The following SUSD3 variants were observed in gnomAD, a reference collection of about 807,000 sequenced individuals.
SUSD3 encodes sushi domain-containing protein 3.
In SUSD3, 18 loss-of-function variants were observed where a neutral mutation model predicts 20.6. The ratio of observed to expected loss-of-function variants is 0.87; its 90% CI spans 0.60 to 1.30. The LOEUF is 1.30. Among genes scored for constraint, SUSD3 ranks in the 50% most tolerant of loss-of-function variants. SUSD3 has a pLI of 0.00. For synonymous variants in SUSD3, 137 were observed against 141.5 expected, an observed-to-expected ratio of 0.97 and a Z score of 0.23; for missense variants, 306 against 346.9, an observed-to-expected ratio of 0.88 and a Z score of 0.94.
chr9:93,083,300 T>C (rs1013710239), intron 4 of SUSD3, among the ~76,000 whole-genome samples: 3 of 152,094 alleles, frequency 2.0e-5, no homozygotes, highest in Non-Finnish European at 4.4e-5. Flanking sequence ...AGGCGGGTCC[T>C]GCCCAGGGCT....
chr9:93,064,759 C>G (rs1375839271), intron 1 of SUSD3, among the ~76,000 whole-genome samples: 1 of 152,156 alleles, frequency 6.6e-6, no homozygotes, highest in Non-Finnish European at 1.5e-5. Flanking sequence ...CTGGGATGAT[C>G]ATCATTTCAT....
chr9:93,073,996 C>T (rs376388378), intron 1 of SUSD3, among the ~76,000 whole-genome samples: 1 of 152,194 alleles, frequency 6.6e-6, no homozygotes, highest in Non-Finnish European at 1.5e-5. Flanking sequence ...ATGGTTCTCC[C>T]TGGGTAGGCT....
intron 1 of SUSD3, among the ~76,000 whole-genome samples, chr9:93,065,504 GC>G (rs1825673002): frequency 6.6e-6 from 1 of 152,194 alleles, no homozygotes. Context: ...CTCTGCAAGG[GC>G]CGCAGTGGGC....
intron 1 of SUSD3, among the ~76,000 whole-genome samples, chr9:93,063,501 A>G (rs1188121211): frequency 1.3e-5 from 2 of 152,154 alleles, no homozygotes; most frequent in African/African-American, 4.8e-5. Context: ...CCCTCCAGGA[A>G]GCCTGCCCAC....
At chr9:93,073,613 C>G (rs1826001396) in intron 1 of SUSD3, among the ~76,000 whole-genome samples, 1 of 152,080 alleles carries the variant, frequency 6.6e-6, no homozygotes, top group African/African-American at 2.4e-5. Context: ...CAGGAAATAC[C>G]AGATAAGCAG....
In SUSD3 at chr9:93,084,610, G is replaced by A. The variant is rs759518024; in HGVS notation, c.631G>A (p.Ala211Thr). Residue 211 changes from alanine to threonine, a missense_variant, in exon 5 of 5, where the codon GCT (alanine) becomes ACT (threonine). Physicochemically the swap from Ala to Thr is moderately conservative, Grantham distance 58. Coordinates refer to ENST00000375472, the MANE Select transcript of SUSD3 (RefSeq NM_145006.4). Reference sequence around the variant, plus strand: ...GGACAAGGACCCTGGGATCCCCAGAGCTCTAAGCCTCAGTGGCTCCTCCAG... The same window carrying A: ...GGACAAGGACCCTGGGATCCCCAGAACTCTAAGCCTCAGTGGCTCCTCCAG... ...SVDKDPGIPR[A>T]LSLSGSSSSP... The A allele has an allele frequency of 3.7e-6, 6 of 1,610,354 alleles. No individual in the cohort carries two copies. Among genetic ancestry groups the A allele is most frequent in the South Asian group, 1.1e-5 (1 of 90,154 alleles).
At chr9:93,076,320 C>A (rs1826166121) in intron 2 of SUSD3, among the ~76,000 whole-genome samples, 1 of 152,122 alleles carries the variant, frequency 6.6e-6, no homozygotes, top group South Asian at 2.1e-4. Flanking sequence ...TTCATTCATT[C>A]ATTCATTCAT....
At chr9:93,060,082 C>T (rs1218787147) in intron 1 of SUSD3, among the ~76,000 whole-genome samples, 2 of 152,186 alleles carry the variant, frequency 1.3e-5, no homozygotes, top group African/African-American at 2.4e-5. Context: ...CCAAGGTCAG[C>T]CCAAGGCCAG....
chr9:93,060,277 C>T (rs1825453683), intron 1 of SUSD3, among the ~76,000 whole-genome samples: 1 of 152,056 alleles, frequency 6.6e-6, no homozygotes, highest in African/African-American at 2.4e-5. Flanking sequence ...GGGTTAGGAT[C>T]CCCCCTGTGA....
intron 1 of SUSD3, among the ~76,000 whole-genome samples, chr9:93,064,386 T>C (rs1262104465): frequency 6.6e-6 from 1 of 152,198 alleles, no homozygotes; most frequent in East Asian, 1.9e-4. Flanking sequence ...GGCTCAATGA[T>C]GCAGGCAGGA....
rs753351184 is a variant in SUSD3 at position 93,084,556 on chromosome 9, A to T, written c.577A>T (p.Ser193Cys). The T allele has an allele frequency of 1.3e-5, 21 of 1,596,952 alleles. No individual in the cohort carries two copies. Among genetic ancestry groups the T allele is most frequent in the Non-Finnish European group, 1.7e-5 (20 of 1,171,680 alleles). The change falls in exon 5 of 5, where the codon AGC becomes TGC. Residue 193 changes from serine (S) to cysteine (C), a missense_variant. Transcript: ENST00000375472. ...CCACAGAGACCATGGTGAGAGCACC[A>T]GCAAGCTGGCCAGTGTGACCCGCAG... Reference protein sequence around the residue: ...SFTTDHGESTSKLASVTRSVD... With the variant: ...SFTTDHGESTCKLASVTRSVD...
intron 1 of SUSD3, among the ~76,000 whole-genome samples, chr9:93,060,659 C>T (rs969572070): frequency 8.6e-5 from 13 of 151,592 alleles, no homozygotes; most frequent in Non-Finnish European, 4.4e-5. Flanking sequence ...AGCAAGACCC[C>T]GTATCTACAA....
intron 1 of SUSD3, among the ~76,000 whole-genome samples, chr9:93,062,105 G>A (rs1161801672): frequency 6.6e-6 from 1 of 152,194 alleles, no homozygotes; most frequent in Non-Finnish European, 1.5e-5. Context: ...GAATCCACCC[G>A]GTCAGGCTTG....
At chr9:93,079,922 A>C (rs1191924386) in intron 4 of SUSD3, among the ~76,000 whole-genome samples, 2 of 152,152 alleles carry the variant, frequency 1.3e-5, no homozygotes, top group Admixed American at 6.5e-5. Context: ...AGCTGCAGTC[A>C]CTTGCTCTCC....
intron 1 of SUSD3, among the ~76,000 whole-genome samples, chr9:93,060,628 C>G (rs991761016): frequency 1.1e-4 from 17 of 151,670 alleles, no homozygotes; most frequent in African/African-American, 3.9e-4. Flanking sequence ...TCCAGGAGCT[C>G]GAAACCAACC....
At position 93,062,048 on chromosome 9, in the gene SUSD3, C is replaced by G. The variant is rs550599782; in HGVS notation, c.88+3218C>G. Among the ~76,000 whole-genome samples, 5 of 152,370 alleles carry G rather than the reference C, an allele frequency of 3.3e-5. No homozygotes were observed. The East Asian group carries it at 9.6e-4, about 29-fold the overall frequency. ...GTTCCAGATAAAAGATTAACAAGTA[C>G]GGATTGTTCTCAGACGCCCGGCTGG... is the stretch of plus-strand genomic sequence containing the variant. On this transcript the variant is annotated intron_variant, in intron 1 of 4. Coordinates refer to ENST00000375472, the MANE Select transcript of SUSD3 (RefSeq NM_145006.4).
chr9:93,063,645 C>T (rs10992621), intron 1 of SUSD3, among the ~76,000 whole-genome samples: 8,937 of 152,200 alleles, frequency 0.059, 334 homozygotes, highest in South Asian at 0.11. Flanking sequence ...GAGGTTGGAC[C>T]TCTTGGCCAC....
At chr9:93,069,320 A>G (rs1221179751) in intron 1 of SUSD3, among the ~76,000 whole-genome samples, 6 of 152,184 alleles carry the variant, frequency 3.9e-5, no homozygotes, top group African/African-American at 1.4e-4. Context: ...AATGGCCCAA[A>G]ACACAACTGT....
At chr9:93,082,059 T>C (rs903039619) in intron 4 of SUSD3, among the ~76,000 whole-genome samples, 3 of 152,216 alleles carry the variant, frequency 2.0e-5, no homozygotes, top group African/African-American at 7.2e-5. Flanking sequence ...AACTGCATCA[T>C]CACTGAGTGC....
Sources: allele counts gnomAD v4.1 joint callset (sites outside exome capture counted in the v4.1 genomes callset), GRCh38; gene constraint gnomAD v4.1.1; transcripts MANE v1.5; gene names NCBI Gene and HGNC (gene_info 2026-07-23, HGNC 2026-07-21).